PHTF1: variants seen among roughly 807,000 people sequenced by gnomAD.
The protein encoded by PHTF1 is protein PHTF1.
Under a neutral mutation model 102.4 loss-of-function variants are expected in PHTF1, and 88 were observed. The observed-to-expected ratio is 0.86, with a 90% CI of 0.72 to 1.03. PHTF1 has a LOEUF of 1.03. Among genes scored for constraint, PHTF1 ranks in the 50% least tolerant of loss-of-function variants. The pLI is 0.00. For synonymous variants in PHTF1, 289 were observed against 305.2 expected (o/e 0.95, Z 0.55); for missense variants, 814 against 909.5 (o/e 0.89, Z 1.35).
chr1:113,744,452 C>T (rs1164063781), intron 3 of PHTF1, among the ~76,000 whole-genome samples: 4 of 152,120 alleles, frequency 2.6e-5, no homozygotes, highest in Non-Finnish European at 5.9e-5. Flanking sequence ...CAGTCTGGTG[C>T]AGAGAGGGAA....
intron 7 of PHTF1, among the ~76,000 whole-genome samples, chr1:113,719,847 A>G (rs1159129397): frequency 6.6e-6 from 1 of 152,188 alleles, no homozygotes; most frequent in Non-Finnish European, 1.5e-5. Flanking sequence ...CCTGAGACTG[A>G]GAAGAAGAAG....
chr1:113,736,866 T>TCTTTATAGG (rs1171445835), intron 5 of PHTF1, among the ~76,000 whole-genome samples: 1 of 152,194 alleles, frequency 6.6e-6, no homozygotes, highest in African/African-American at 2.4e-5. Context: ...AGGCACCAGG[T>TCTTTATAGG]CCTGTAGGGC....
chr1:113,713,506 T>C, intron 7 of PHTF1, 68 bp from the exon 8 acceptor site: 1 of 815,332 alleles, frequency 1.2e-6, no homozygotes, highest in Non-Finnish European at 2.0e-6. Context: ...ACCACTTTCT[T>C]TTAAGGAATA....
At chr1:113,702,426 C>A (rs182056885) in intron 15 of PHTF1, among the ~76,000 whole-genome samples, 37 of 151,936 alleles carry the variant, frequency 2.4e-4, no homozygotes, top group South Asian at 8.3e-4. Context: ...GCCAGACACT[C>A]CAAAATCTAA....
At chr1:113,705,744 T>C (rs1003585666) in intron 13 of PHTF1, 146 bp downstream of exon 13, 2 of 669,522 alleles carry the variant, frequency 3.0e-6, no homozygotes, top group South Asian at 4.2e-5. Flanking sequence ...ACACAAACAA[T>C]AAATCCACAA....
At position 113,724,845 on chromosome 1, in the gene PHTF1, A is replaced by G. The variant is rs753120476; in HGVS notation, c.537T>C (p.Asn179=). 6.2e-7 allele frequency: 1 copy of G among 1,609,592 alleles called. No individual in the cohort carries two copies. ...VNGDGSRENG[N]NSSDKVRGIE... is the part of the protein sequence containing the mutation. ...TTCCTCTGACTTTATCAGAGGAGTT[A>G]TTTCCATTTTCTCGGCTCCCATCAC... is the stretch of plus-strand genomic sequence containing the variant. Residue 179 remains asparagine (N), a synonymous_variant, in exon 7 of 19, where the codon AAT becomes AAC. Coordinates refer to ENST00000369604, the MANE Select transcript of PHTF1 (RefSeq NM_001323043.2).
rs899799825 is a variant in PHTF1, at chr1:113,758,794, G to T, written c.-30-61C>A. On this transcript the variant is annotated intron_variant, in intron 1 of 18. Transcript: ENST00000369604. ...TGCTGAAGGTTACTCTCCCAGTTTGGGTAGGACGCGAAAACCGCTTCTCTC... is the reference window on the plus strand; with the variant it reads ...TGCTGAAGGTTACTCTCCCAGTTTGTGTAGGACGCGAAAACCGCTTCTCTC... 5.9e-6 allele frequency: 9 copies of T among 1,525,286 alleles called. No individual in the cohort carries two copies. In the African/African-American group the frequency reaches 7.0e-5, roughly 12 times the overall value. The allele number at this position is 1,525,286 out of a possible 1,614,324, so 94.5% of individuals were successfully genotyped here. A position where few individuals can be genotyped will look rare whatever the true frequency, so the allele number is the denominator to read the frequency against.
intron 3 of PHTF1, among the ~76,000 whole-genome samples, chr1:113,743,299 T>A (rs888288396): frequency 1.3e-5 from 2 of 151,880 alleles, no homozygotes; most frequent in Admixed American, 6.6e-5. Flanking sequence ...AAGGCCTACA[T>A]AGGGTCAGGA....
intron 5 of PHTF1, among the ~76,000 whole-genome samples, chr1:113,736,937 G>A (rs1288020036): frequency 1.3e-5 from 2 of 152,142 alleles, no homozygotes; most frequent in African/African-American, 4.8e-5. Context: ...GTCACTACAG[G>A]GTTTTAAGCA....
intron 4 of PHTF1, 66 bp from the exon 5 acceptor site, chr1:113,738,334 CACT>C (rs1325244327): frequency 1.6e-6 from 2 of 1,227,406 alleles, no homozygotes; most frequent in African/African-American, 1.5e-5. Context: ...CCACCTGTAG[CACT>C]ACATTAAAAA....
intron 5 of PHTF1, among the ~76,000 whole-genome samples, chr1:113,730,533 TTG>T (rs1211744413): frequency 6.6e-6 from 1 of 152,194 alleles, no homozygotes; most frequent in Admixed American, 6.5e-5. Context: ...TTGTCATTAT[TTG>T]CCAACCATAT....
At chr1:113,698,410 G>T (rs1316417600) in intron 17 of PHTF1, 23 bp from the exon 18 acceptor site, 1 of 1,607,672 alleles carries the variant, frequency 6.2e-7, no homozygotes, top group Non-Finnish European at 8.5e-7. Flanking sequence ...TCAAAGAATT[G>T]AAATGAGATA....
intron 17 of PHTF1, chr1:113,699,378 A>G (rs570711060): frequency 1.3e-5 from 6 of 458,408 alleles, no homozygotes; most frequent in South Asian, 7.6e-5. Flanking sequence ...GTAGTCCTCA[A>G]TGGTGACAAA....
chr1:113,707,702 C>T (rs1650423562), intron 11 of PHTF1, among the ~76,000 whole-genome samples: 1 of 152,142 alleles, frequency 6.6e-6, no homozygotes, highest in Non-Finnish European at 1.5e-5. Flanking sequence ...TATTAAGCAC[C>T]TACTATGTAT....
intron 16 of PHTF1, chr1:113,700,053 A>T: frequency 8.9e-7 from 1 of 1,123,114 alleles, no homozygotes; most frequent in Non-Finnish European, 1.1e-6. Flanking sequence ...GAAAAATTTT[A>T]ATATTACTTG....
Position 113,713,420 on chromosome 1 carries a change from T to G in PHTF1, c.642A>C (p.Leu214Phe). Residue 214 changes from leucine (L) to phenylalanine (F), a missense_variant, in exon 8 of 19, where the codon TTA (leucine) becomes TTC (phenylalanine). Physicochemically the swap from Leu to Phe is conservative, Grantham distance 22. Coordinates refer to ENST00000369604, the MANE Select transcript of PHTF1 (RefSeq NM_001323043.2). ...IFGNRIKRVK[L>F]ISNKGTETDN... is the part of the protein sequence containing the mutation. ...CAGTTTCAGTCCCTTTGTTAGATAT[T>G]AATTTTACTCTTTTAATCCTATTTT... 10 of 1,565,064 alleles carry G rather than the reference T, an allele frequency of 6.4e-6. No homozygotes were observed. The highest frequency in any genetic ancestry group is 1.7e-4 in the Middle Eastern group (1 of 5,966).
chr1:113,697,529 C>A lies in PHTF1; in HGVS notation c.*176G>T. On this transcript the variant is annotated 3_prime_UTR_variant, in exon 19 of 19. Transcript: ENST00000369604. ...AAAATACAGGTTTTTAGCATGCACA[C>A]CCAGTTGGAAAAGGACTTGCTCCTC... The A allele has an allele frequency of 1.8e-6, 1 of 562,984 alleles. No individual in the cohort carries two copies. Among genetic ancestry groups the A allele is most frequent in the South Asian group, 2.2e-5 (1 of 44,664 alleles). 34.9% of individuals were successfully genotyped at this position (562,984 alleles called of 1,614,324 possible). A position where few individuals can be genotyped will look rare whatever the true frequency, so the allele number is the denominator to read the frequency against.
At chr1:113,754,496 A>G (rs1658560093) in intron 3 of PHTF1, among the ~76,000 whole-genome samples, 1 of 152,162 alleles carries the variant, frequency 6.6e-6, no homozygotes, top group Non-Finnish European at 1.5e-5. Context: ...AGCAGTCAAC[A>G]AATATTTGTT....
chr1:113,704,002 A>G, intron 15 of PHTF1, 79 bp downstream of exon 15: 1 of 826,084 alleles, frequency 1.2e-6, no homozygotes, highest in Non-Finnish European at 2.0e-6. Flanking sequence ...ACTTAAGGAC[A>G]GTGACCTAAG....
Sources: gnomAD v4.1 joint callset for allele counts (sites outside exome capture counted in the v4.1 genomes callset) on GRCh38, gnomAD v4.1.1 for gene constraint, MANE v1.5 for transcripts, NCBI Gene and HGNC (gene_info 2026-07-23, HGNC 2026-07-21) for gene names.